RAB21: variants seen among roughly 807,000 people sequenced by gnomAD.
RAB21 encodes the protein ras-related protein Rab-21.
Under a neutral mutation model 33.1 loss-of-function variants are expected in RAB21, and 13 were observed. The ratio of observed to expected loss-of-function variants is 0.39; its 90% confidence interval spans 0.26 to 0.62. The LOEUF (loss-of-function observed/expected upper bound fraction) is 0.62, where lower values mean the gene tolerates loss of function less well. RAB21 is among the 20% of genes least tolerant of loss of function. RAB21 has a pLI of 0.48. For missense variants in RAB21, 234 were observed against 279.1 expected (o/e 0.84, Z 1.15); for synonymous variants, 91 against 103.7 (o/e 0.88, Z 0.74).
At position 71,793,962 on chromosome 12, in the gene RAB21, TC is replaced by T. The variant is rs1414002246; in HGVS notation, c.*8291del. ...TGGGAGCCATGGCTCATGCCTGTAA[TC>T]CAGCACTTTGGGAGGCTGAGGTGGG... is the stretch of plus-strand genomic sequence containing the variant. On this transcript the variant is annotated 3_prime_UTR_variant, in exon 7 of 7. Transcript: ENST00000261263. 5 of 152,244 alleles carry T rather than the reference TC, an allele frequency of 3.3e-5. No individual in the cohort carries two copies. The highest frequency in any genetic ancestry group is 3.3e-4 in the Admixed American group (5 of 15,274). 9.4% of individuals were successfully genotyped at this position (152,244 alleles called of 1,614,324 possible). A position where few individuals can be genotyped will look rare whatever the true frequency, so the allele number is the denominator to read the frequency against.
chr12:71,791,678 C>G lies in RAB21; in HGVS notation c.*6005C>G, dbSNP rs1194668695. 6.6e-6 allele frequency: 1 copy of G among 152,164 alleles called. No homozygotes were observed. Among genetic ancestry groups the G allele is most frequent in the East Asian group, 1.9e-4 (1 of 5,194 alleles). The allele number at this position is 152,164 out of a possible 1,614,324, so 9.4% of individuals were successfully genotyped here. ...AAGTTCCTTTTTAGATCTCCCTTCCCTCATCATCCCACATCCCTTTTTAGA... is the reference window on the plus strand; with the variant it reads ...AAGTTCCTTTTTAGATCTCCCTTCCGTCATCATCCCACATCCCTTTTTAGA... On this transcript the variant is annotated 3_prime_UTR_variant, in exon 7 of 7. Coordinates refer to ENST00000261263, the MANE Select transcript of RAB21 (RefSeq NM_014999.4).
rs1006500616 is a variant in RAB21 at position 71,782,318 on chromosome 12, A to G, written c.446+233A>G. The G allele has an allele frequency of 5.5e-6, 3 of 540,874 alleles. No individual in the cohort carries two copies. The African/African-American group carries it at 5.8e-5, about 10-fold the overall frequency. 33.5% of individuals were successfully genotyped at this position (540,874 alleles called of 1,614,324 possible). A position where few individuals can be genotyped will look rare whatever the true frequency, so the allele number is the denominator to read the frequency against. On this transcript the variant is annotated intron_variant, in intron 5 of 6. Transcript: ENST00000261263. Reference sequence around the variant, plus strand: ...ATATAAAACAAAACTATCATGATCAAATAGGCAGTAAGCCAGAAAAACTTT... The same window carrying G: ...ATATAAAACAAAACTATCATGATCAGATAGGCAGTAAGCCAGAAAAACTTT...
intron 1 of RAB21, among the ~76,000 whole-genome samples, chr12:71,763,396 A>G (rs1021897425): frequency 4.6e-5 from 7 of 152,268 alleles, no homozygotes; most frequent in African/African-American, 1.7e-4. Context: ...TTAATTTGGC[A>G]GATATATTTT....
intron 2 of RAB21, 24 bp downstream of exon 2, chr12:71,769,883 A>G: frequency 2.4e-6 from 3 of 1,252,136 alleles, no homozygotes; most frequent in Non-Finnish European, 3.2e-6. Context: ...TTCAACTATT[A>G]TGCGTGGAGG....
intron 1 of RAB21, among the ~76,000 whole-genome samples, chr12:71,760,910 T>C (rs1322041540): frequency 6.6e-6 from 1 of 152,074 alleles, no homozygotes; most frequent in Non-Finnish European, 1.5e-5. Context: ...ATGAGGAAAC[T>C]AAGACTTGGA....
rs1356838953 is a variant in RAB21, at chr12:71,792,796, A to G, written c.*7123A>G. On this transcript the variant is annotated 3_prime_UTR_variant, in exon 7 of 7. Transcript: ENST00000261263. ...ATCGTTGGAACCTAGAGATGAGCTG[A>G]TACCTGTTGCACATAGTCCAAGATA... 6.6e-6 allele frequency: 1 copy of G among 152,204 alleles called. No homozygotes were observed. Among genetic ancestry groups the G allele is most frequent in the Non-Finnish European group, 1.5e-5 (1 of 68,056 alleles). The allele number at this position is 152,204 out of a possible 1,614,324, so 9.4% of individuals were successfully genotyped here. A position where few individuals can be genotyped will look rare whatever the true frequency, so the allele number is the denominator to read the frequency against.
chr12:71,755,541 C>A (rs2137634948), intron 1 of RAB21, among the ~76,000 whole-genome samples: 1 of 152,316 alleles, frequency 6.6e-6, no homozygotes, highest in Non-Finnish European at 1.5e-5. Flanking sequence ...GGTGGCTGCG[C>A]ACGTTGTGGT....
intron 1 of RAB21, among the ~76,000 whole-genome samples, chr12:71,766,886 GA>G (rs1882969387): frequency 6.6e-6 from 1 of 152,144 alleles, no homozygotes; most frequent in South Asian, 2.1e-4. Flanking sequence ...GTCCTAAGAA[GA>G]TAGATGTGGA....
At position 71,787,191 on chromosome 12, in the gene RAB21, G is replaced by A. The variant is rs1478991532; in HGVS notation, c.*1518G>A. 6.6e-6 allele frequency: 1 copy of A among 152,142 alleles called. No individual in the cohort carries two copies. The highest frequency in any genetic ancestry group is 1.5e-5 in the Non-Finnish European group (1 of 68,018). 9.4% of individuals were successfully genotyped at this position (152,142 alleles called of 1,614,324 possible). On this transcript the variant is annotated 3_prime_UTR_variant, in exon 7 of 7. Coordinates refer to ENST00000261263, the MANE Select transcript of RAB21 (RefSeq NM_014999.4). ...ACATTACATGTAATGCAGATATAGT[G>A]AACACTGGAAAGATTTATTAAAGAA...
chr12:71,765,235 G>T (rs1228832193), intron 1 of RAB21, among the ~76,000 whole-genome samples: 1 of 152,100 alleles, frequency 6.6e-6, no homozygotes, highest in Non-Finnish European at 1.5e-5. Context: ...TCATACGTTT[G>T]TTGGCTGTTT....
At position 71,800,072 on chromosome 12, in the gene RAB21, CAA is replaced by C. The variant is rs11368053; in HGVS notation, c.*14417_*14418del. ...TGAGCAACAGAGTGAGACTCTATCTCAAAAAAAAAAAAAAAAAAATTAATTGC... is the reference window on the plus strand; with the variant it reads ...TGAGCAACAGAGTGAGACTCTATCTCAAAAAAAAAAAAAAAAATTAATTGC... On this transcript the variant is annotated 3_prime_UTR_variant, in exon 7 of 7. Coordinates refer to ENST00000261263, the MANE Select transcript of RAB21 (RefSeq NM_014999.4). 760 of 120,800 alleles carry C rather than the reference CAA, an allele frequency of 6.3e-3. 4 individuals carry two copies. The highest frequency in any genetic ancestry group is 0.017 in the African/African-American group (632 of 36,344). 7.5% of individuals were successfully genotyped at this position (120,800 alleles called of 1,614,324 possible). A position where few individuals can be genotyped will look rare whatever the true frequency, so the allele number is the denominator to read the frequency against.
In RAB21 at chr12:71,792,821, A is replaced by G. The variant is rs1883407003; in HGVS notation, c.*7148A>G. 1 of 152,206 alleles carries G rather than the reference A, an allele frequency of 6.6e-6. No homozygotes were observed. The highest frequency in any genetic ancestry group is 1.9e-4 in the East Asian group (1 of 5,202). 9.4% of individuals were successfully genotyped at this position (152,206 alleles called of 1,614,324 possible). ...ATACCTGTTGCACATAGTCCAAGAT[A>G]TAAGTAATTTATCTGGGGATATAAG... On this transcript the variant is annotated 3_prime_UTR_variant, in exon 7 of 7. Coordinates refer to ENST00000261263, the MANE Select transcript of RAB21 (RefSeq NM_014999.4).
At position 71,789,307 on chromosome 12, in the gene RAB21, T is replaced by A. The variant is rs1012347276; in HGVS notation, c.*3634T>A. ...ATGGATTGTGATACTGTTTATTTCT[T>A]TAATTATATAATTTGCAATTTTCTG... On this transcript the variant is annotated 3_prime_UTR_variant, in exon 7 of 7. Transcript: ENST00000261263. 2.6e-5 allele frequency: 4 copies of A among 152,104 alleles called. No homozygotes were observed. The highest frequency in any genetic ancestry group is 9.6e-5 in the African/African-American group (4 of 41,458). The allele number at this position is 152,104 out of a possible 1,614,324, so 9.4% of individuals were successfully genotyped here.
rs574121499 is a variant in RAB21 at position 71,762,590 on chromosome 12, G to GTT, written c.160-7204_160-7203dup. 3.5e-4 allele frequency among the ~76,000 whole-genome samples: 53 copies of GTT among 151,968 alleles called. No individual in the cohort carries two copies. In the East Asian group the frequency reaches 9.1e-3, roughly 26 times the overall value. On this transcript the variant is annotated intron_variant, in intron 1 of 6. Transcript: ENST00000261263. ...AAAGTGCTGGGATAGGTTTTGTTTT[G>GTT]TTTTTTTCCTGAGATGGTGTATCGC...
intron 3 of RAB21, among the ~76,000 whole-genome samples, chr12:71,772,103 A>G (rs1883051698): frequency 6.6e-6 from 1 of 152,194 alleles, no homozygotes; most frequent in Non-Finnish European, 1.5e-5. Flanking sequence ...TGGGTTGACC[A>G]GGCAGGTCCA....
intron 1 of RAB21, among the ~76,000 whole-genome samples, chr12:71,763,173 A>G (rs972397112): frequency 3.3e-5 from 5 of 150,630 alleles, no homozygotes; most frequent in Admixed American, 1.3e-4. Flanking sequence ...CAGGCCCCCA[A>G]TTAATGAAGT....
In RAB21 at chr12:71,793,709, G is replaced by A. The variant is rs543621815; in HGVS notation, c.*8036G>A. 6.6e-6 allele frequency: 1 copy of A among 152,346 alleles called. No individual in the cohort carries two copies. The highest frequency in any genetic ancestry group is 2.1e-4 in the South Asian group (1 of 4,830). 9.4% of individuals were successfully genotyped at this position (152,346 alleles called of 1,614,324 possible). A position where few individuals can be genotyped will look rare whatever the true frequency, so the allele number is the denominator to read the frequency against. On this transcript the variant is annotated 3_prime_UTR_variant, in exon 7 of 7. Coordinates refer to ENST00000261263, the MANE Select transcript of RAB21 (RefSeq NM_014999.4). Reference sequence around the variant, plus strand: ...CCCCATCAAAAGATTTTAGCCAAAAGTAGTGGCATAAGAAATTTATTTATG... The same window carrying A: ...CCCCATCAAAAGATTTTAGCCAAAAATAGTGGCATAAGAAATTTATTTATG...
intron 1 of RAB21, among the ~76,000 whole-genome samples, chr12:71,763,127 A>T (rs1312569184): frequency 6.8e-6 from 1 of 147,944 alleles, no homozygotes. Context: ...ACACACACAC[A>T]CAATCTTACT....
At chr12:71,759,867 C>A (rs1882844554) in intron 1 of RAB21, among the ~76,000 whole-genome samples, 1 of 152,216 alleles carries the variant, frequency 6.6e-6, no homozygotes. Flanking sequence ...CCATCGTGAT[C>A]CTGACAGGAT....
Sources: allele counts gnomAD v4.1 joint callset (sites outside exome capture counted in the v4.1 genomes callset), GRCh38; gene constraint gnomAD v4.1.1; transcripts MANE v1.5; gene names NCBI Gene and HGNC (gene_info 2026-07-23, HGNC 2026-07-21).